The following MCPH1 variants were observed in gnomAD, a reference collection of about 807,000 sequenced individuals.
The protein encoded by MCPH1 is microcephalin.
In MCPH1, 104 loss-of-function variants were observed where a neutral mutation model predicts 84.5. The observed-to-expected ratio is 1.23, with a 90% CI of 1.05 to 1.45. The LOEUF (loss-of-function observed/expected upper bound fraction) is 1.45, where lower values mean the gene tolerates loss of function less well. Among genes scored for constraint, MCPH1 ranks in the 40% most tolerant of loss-of-function variants. MCPH1 has a pLI of 0.00. For missense variants in MCPH1, 1,498 were observed against 1,005.7 expected, an observed-to-expected ratio of 1.49 and a Z score of -6.62; for synonymous variants, 514 against 366.8, an observed-to-expected ratio of 1.40 and a Z score of -4.58.
chr8:6,577,254 T>C (rs147295878), intron 12 of MCPH1, among the ~76,000 whole-genome samples: 1 of 152,316 alleles, frequency 6.6e-6, no homozygotes, highest in Non-Finnish European at 1.5e-5. Flanking sequence ...TCCTCCACAC[T>C]GTGGTGCTGC....
chr8:6,456,877 G>T (rs1438673052), intron 9 of MCPH1, among the ~76,000 whole-genome samples: 3 of 152,140 alleles, frequency 2.0e-5, no homozygotes, highest in African/African-American at 7.2e-5. Flanking sequence ...TTAGGGACAG[G>T]CATCCTGGGC....
At chr8:6,505,448 C>T (rs1299249152) in intron 12 of MCPH1, among the ~76,000 whole-genome samples, 16 of 70,262 alleles carry the variant, frequency 2.3e-4, no homozygotes, top group African/African-American at 6.1e-4. Flanking sequence ...TCTTTATATA[C>T]ATATAGAATA....
intron 11 of MCPH1, among the ~76,000 whole-genome samples, chr8:6,487,845 C>T (rs558166935): frequency 6.6e-6 from 1 of 152,304 alleles, no homozygotes; most frequent in Admixed American, 6.5e-5. Flanking sequence ...CCTGACAGAA[C>T]ATTTTTGCAG....
chr8:6,483,721 A>C (rs1345211656), intron 11 of MCPH1, among the ~76,000 whole-genome samples: 6 of 152,154 alleles, frequency 3.9e-5, no homozygotes, highest in African/African-American at 1.4e-4. Flanking sequence ...CTAGCTCGGC[A>C]TGGTGGCACC....
At position 6,433,816 on chromosome 8, in the gene MCPH1, C is replaced by T. The variant is rs78340063; in HGVS notation, c.321+2230C>T. Among the ~76,000 whole-genome samples the T allele has an allele frequency of 0.014, 2,084 of 151,948 alleles. 103 individuals carry two copies. In the East Asian group the frequency reaches 0.15, roughly 11 times the overall value. ...TTCCAAATGTAATTGCAAATTAAAC[C>T]CGACTCAAGGCCTTATTCTTTTGGG... is the stretch of plus-strand genomic sequence containing the variant. On this transcript the variant is annotated intron_variant, in intron 4 of 13. Transcript: ENST00000344683.
At chr8:6,467,674 C>T (rs1051428213) in intron 9 of MCPH1, among the ~76,000 whole-genome samples, 1 of 152,192 alleles carries the variant, frequency 6.6e-6, no homozygotes, top group Non-Finnish European at 1.5e-5. Context: ...TAGCTCACTG[C>T]AGCCTTGATT....
chr8:6,444,298 T>G, intron 7 of MCPH1, 95 bp from the exon 8 acceptor site: 1 of 1,399,574 alleles, frequency 7.1e-7, no homozygotes, highest in Non-Finnish European at 1.0e-6. Flanking sequence ...AACTAATAGC[T>G]GTACTTTAAA....
At chr8:6,550,265 C>T (rs1823397004) in intron 12 of MCPH1, among the ~76,000 whole-genome samples, 1 of 152,150 alleles carries the variant, frequency 6.6e-6, no homozygotes, top group Admixed American at 6.5e-5. Context: ...GCAGCTCAGG[C>T]AGCAGCCATG....
intron 11 of MCPH1, among the ~76,000 whole-genome samples, chr8:6,498,099 C>T (rs1811474679): frequency 6.6e-6 from 1 of 152,198 alleles, no homozygotes; most frequent in Non-Finnish European, 1.5e-5. Context: ...TTAAATTCAT[C>T]AGCAAGGTTT....
At chr8:6,527,445 A>G in intron 12 of MCPH1, 2 of 1,371,038 alleles carry the variant, frequency 1.5e-6, no homozygotes, top group South Asian at 2.8e-5. Flanking sequence ...TCTGACCCTT[A>G]CACTAGACAT....
At chr8:6,445,748 T>C (rs1321319880) in intron 8 of MCPH1, 15 of 1,377,226 alleles carry the variant, frequency 1.1e-5, no homozygotes, top group East Asian at 1.1e-4. Flanking sequence ...TCTAGACTTA[T>C]TGGTTAAGTC....
At chr8:6,641,629 G>A (rs553034668) in intron 13 of MCPH1, among the ~76,000 whole-genome samples, 6 of 152,166 alleles carry the variant, frequency 3.9e-5, no homozygotes, top group East Asian at 3.9e-4. Flanking sequence ...CTGTAGTCCC[G>A]GCTACCTGGG....
chr8:6,435,963 G>C, intron 4 of MCPH1, 85 bp from the exon 5 acceptor site: 1 of 1,501,518 alleles, frequency 6.7e-7, no homozygotes, highest in Non-Finnish European at 9.1e-7. Flanking sequence ...GTTATAAAAG[G>C]TATCAGAAAT....
At chr8:6,464,675 G>C (rs962959436) in intron 9 of MCPH1, among the ~76,000 whole-genome samples, 2 of 152,194 alleles carry the variant, frequency 1.3e-5, no homozygotes, top group African/African-American at 4.8e-5. Context: ...GGCGCTAAGA[G>C]AGGAGCTAGC....
At chr8:6,512,660 T>C (rs544680606) in intron 12 of MCPH1, among the ~76,000 whole-genome samples, 26 of 152,340 alleles carry the variant, frequency 1.7e-4, no homozygotes, top group African/African-American at 6.0e-4. Context: ...TTACTGTGCA[T>C]GTGGCTTCAC....
chr8:6,486,918 C>T (rs534832479), intron 11 of MCPH1, among the ~76,000 whole-genome samples: 2 of 152,196 alleles, frequency 1.3e-5, no homozygotes, highest in Non-Finnish European at 2.9e-5. Flanking sequence ...ATGATTCCTG[C>T]ACTTTCCTGT....
chr8:6,529,432 T>G (rs1271072889), intron 12 of MCPH1, among the ~76,000 whole-genome samples: 2 of 151,544 alleles, frequency 1.3e-5, no homozygotes, highest in Non-Finnish European at 2.9e-5. Context: ...TTTGCGGCCT[T>G]CCTTAAGCTC....
At chr8:6,480,295 T>C (rs537584046) in intron 10 of MCPH1, among the ~76,000 whole-genome samples, 1 of 152,142 alleles carries the variant, frequency 6.6e-6, no homozygotes, top group Admixed American at 6.5e-5. Flanking sequence ...TGGCTAATTT[T>C]TGTAGTTTTT....
Position 6,423,340 on chromosome 8 carries a change from T to C in MCPH1, c.234-8159T>C, listed in dbSNP as rs180974411. Among the ~76,000 whole-genome samples the C allele has an allele frequency of 2.2e-3, 326 of 151,154 alleles. 10 individuals are homozygous for C. The highest frequency in any genetic ancestry group is 7.8e-3 in the African/African-American group (319 of 40,854). On this transcript the variant is annotated intron_variant, in intron 3 of 13. Coordinates refer to ENST00000344683, the MANE Select transcript of MCPH1 (RefSeq NM_024596.5). ...CCACCACGCCTGGCTAATTTTTTTG[T>C]ATTTTTAGTAGAGACGGGGTTTCAC...
Sources: gnomAD v4.1 joint callset for allele counts (sites outside exome capture counted in the v4.1 genomes callset) on GRCh38, gnomAD v4.1.1 for gene constraint, MANE v1.5 for transcripts, NCBI Gene and HGNC (gene_info 2026-07-23, HGNC 2026-07-21) for gene names.